Variants in TSPAN3 observed in about 807,000 individuals in gnomAD.
TSPAN3 encodes tetraspanin-3.
A neutral mutation model predicts 31.1 loss-of-function variants in TSPAN3; 9 were observed. The ratio of observed to expected loss-of-function variants is 0.29; its 90% CI spans 0.17 to 0.50. TSPAN3 has a LOEUF of 0.50. Ranked by LOEUF, TSPAN3 falls within the 20% of genes least tolerant of loss-of-function variation. TSPAN3 has a pLI of 0.98. For missense variants in TSPAN3, 252 were observed against 313.5 expected, an observed-to-expected ratio of 0.80 and a Z score of 1.48; for synonymous variants, 129 against 114.3, an observed-to-expected ratio of 1.13 and a Z score of -0.82.
chr15:77,051,577 G>A (rs992131792), intron 6 of TSPAN3, among the ~76,000 whole-genome samples: 1 of 151,642 alleles, frequency 6.6e-6, no homozygotes, highest in East Asian at 1.9e-4. Flanking sequence ...AGCTGGGTGC[G>A]GTGGCTCACG....
chr15:77,062,312 CT>C (rs1266770622), intron 1 of TSPAN3, among the ~76,000 whole-genome samples: 1 of 152,178 alleles, frequency 6.6e-6, no homozygotes. Context: ...TTCAACCATG[CT>C]TTCACCTCTG....
At chr15:77,061,484 C>A (rs988518106) in intron 1 of TSPAN3, among the ~76,000 whole-genome samples, 2 of 151,882 alleles carry the variant, frequency 1.3e-5, no homozygotes, top group African/African-American at 4.8e-5. Flanking sequence ...GCCGAGATTG[C>A]GCCACTGCAC....
chr15:77,052,459 C>A lies in TSPAN3; in HGVS notation c.595G>T (p.Ala199Ser), dbSNP rs1182302899. Residue 199 changes from alanine to serine, a missense_variant, in exon 6 of 7, where the codon GCT (alanine) becomes TCT (serine). Transcript: ENST00000267970. ...PSDLYAEGCE[A>S]LVVKKLQEIM... The stretch of plus-strand genomic sequence containing the variant: ...TCTTGTAGCTTCTTCACTACTAGAG[C>A]CTCACACCCCTGTAACAAACACAGT... The A allele has an allele frequency of 6.2e-7, 1 of 1,613,944 alleles. No homozygotes were observed. Among genetic ancestry groups the A allele is most frequent in the Non-Finnish European group, 8.5e-7 (1 of 1,179,840 alleles).
chr15:77,060,403 A>T (rs1596166633), intron 1 of TSPAN3, among the ~76,000 whole-genome samples: 1 of 152,244 alleles, frequency 6.6e-6, no homozygotes, highest in Non-Finnish European at 1.5e-5. Flanking sequence ...GAGGTATCCC[A>T]GTAGCAGCTG....
chr15:77,054,161 G>A lies in TSPAN3; in HGVS notation c.432+17C>T, dbSNP rs1166542734. On this transcript the variant is annotated intron_variant, in intron 4 of 6. Transcript: ENST00000267970. Reference sequence around the variant, plus strand: ...GTGATTGGTCCTCAAAAACAAATCTGCCTCAAGAAAGCTCACCTGTCTCTG... The same window carrying A: ...GTGATTGGTCCTCAAAAACAAATCTACCTCAAGAAAGCTCACCTGTCTCTG... 3 of 1,597,550 alleles carry A rather than the reference G, an allele frequency of 1.9e-6. No individual in the cohort carries two copies. Among genetic ancestry groups the A allele is most frequent in the Admixed American group, 3.3e-5 (2 of 59,880 alleles).
chr15:77,070,969 G>C lies in TSPAN3; in HGVS notation c.-15C>G. On this transcript the variant is annotated 5_prime_UTR_variant, in exon 1 of 7. Coordinates refer to ENST00000267970, the MANE Select transcript of TSPAN3 (RefSeq NM_005724.6). ...CACTGGCCCATGGCGCCGGTGGCCC[G>C]CGAAGGCCCGGCCCGGAGAGCGGGG... is the stretch of plus-strand genomic sequence containing the variant. 1 of 1,423,044 alleles carries C rather than the reference G, an allele frequency of 7.0e-7. No individual in the cohort carries two copies. The highest frequency in any genetic ancestry group is 9.2e-7 in the Non-Finnish European group (1 of 1,081,184). The allele number at this position is 1,423,044 out of a possible 1,614,324, so 88.2% of individuals were successfully genotyped here.
chr15:77,048,093 CTTGCACCAT>C (rs778600359), intron 6 of TSPAN3, among the ~76,000 whole-genome samples: 183 of 152,338 alleles, frequency 1.2e-3, no homozygotes, highest in Non-Finnish European at 1.3e-3. Context: ...TATTTCACCA[CTTGCACCAT>C]TTGCACCATT....
intron 1 of TSPAN3, among the ~76,000 whole-genome samples, chr15:77,062,418 C>G (rs1568544712): frequency 6.6e-6 from 1 of 152,136 alleles, no homozygotes; most frequent in Non-Finnish European, 1.5e-5. Context: ...TACCAACTCT[C>G]AAGGAAAAAA....
chr15:77,055,105 G>C (rs2076760047), intron 3 of TSPAN3: 1 of 152,046 alleles, frequency 6.6e-6, no homozygotes, highest in Non-Finnish European at 1.5e-5. Flanking sequence ...TTATGCCCTT[G>C]ACTCAAAACC....
chr15:77,069,633 G>T (rs186127209), intron 1 of TSPAN3, among the ~76,000 whole-genome samples: 1 of 152,292 alleles, frequency 6.6e-6, no homozygotes, highest in East Asian at 1.9e-4. Context: ...CAAGTGTGTA[G>T]CAAGTGCTTT....
At position 77,070,898 on chromosome 15, in the gene TSPAN3, G is replaced by C; in HGVS notation, c.57C>G (p.Ile19Met). The C allele has an allele frequency of 7.1e-7, 1 of 1,407,010 alleles. No individual in the cohort carries two copies. The highest frequency in any genetic ancestry group is 3.2e-5 in the East Asian group (1 of 31,056). The allele number at this position is 1,407,010 out of a possible 1,614,324, so 87.2% of individuals were successfully genotyped here. ...TCTGCCCGGCCCCGCTCACCCAGAA[G>C]ATGAGGTTGAGAAAGACCAGCACGG... The part of the protein sequence containing the change: ...SKTVLVFLNL[I>M]FWGAAGILCY... Residue 19 changes from isoleucine to methionine, a missense_variant, in exon 1 of 7, where the codon ATC (isoleucine) becomes ATG (methionine). Ile to Met is a conservative substitution (Grantham distance 10). Transcript: ENST00000267970.
intron 6 of TSPAN3, among the ~76,000 whole-genome samples, chr15:77,047,208 G>A (rs568158801): frequency 7.3e-4 from 111 of 152,332 alleles, no homozygotes; most frequent in Middle Eastern, 3.4e-3. Context: ...AGTGCTGTCC[G>A]AAAGAACTTT....
At chr15:77,050,523 C>G (rs1388907817) in intron 6 of TSPAN3, among the ~76,000 whole-genome samples, 2 of 152,188 alleles carry the variant, frequency 1.3e-5, no homozygotes, top group South Asian at 4.1e-4. Context: ...AGCCGCTTAA[C>G]TAGATGAGGG....
chr15:77,066,571 C>CAAAAAA (rs35737479), intron 1 of TSPAN3, among the ~76,000 whole-genome samples: 1 of 59,374 alleles, frequency 1.7e-5, no homozygotes, highest in African/African-American at 7.5e-5. Context: ...GACTTCGTCT[C>CAAAAAA]AAAAAAAAAA....
intron 1 of TSPAN3, chr15:77,067,938 T>A (rs1044464114): frequency 2.0e-5 from 3 of 152,206 alleles, no homozygotes; most frequent in African/African-American, 7.2e-5. Flanking sequence ...GAACGCAGGC[T>A]GTATCACACC....
rs1408233910 is a variant in TSPAN3, at chr15:77,052,932, A to G, written c.433-3T>C. The G allele has an allele frequency of 3.7e-6, 6 of 1,612,514 alleles. No homozygotes were observed. Among genetic ancestry groups the G allele is most frequent in the Middle Eastern group, 1.7e-4 (1 of 6,020 alleles). ...TTGTGAATTCCACAACAATGCAGCTAAAGGAGAAGAGAATAAGTATTATTT... is the reference window on the plus strand; with the variant it reads ...TTGTGAATTCCACAACAATGCAGCTGAAGGAGAAGAGAATAAGTATTATTT... On this transcript the variant is annotated splice_polypyrimidine_tract_variant and splice_region_variant and intron_variant, in intron 4 of 6. Coordinates refer to ENST00000267970, the MANE Select transcript of TSPAN3 (RefSeq NM_005724.6).
rs933238434 is a variant in TSPAN3, at chr15:77,064,536, C to G, written c.63+6356G>C. ...ATCCTAGAAAGCTAATAACCCATTC[C>G]CTAAACTGCAACTAGAGAGAGCGCC... On this transcript the variant is annotated intron_variant, in intron 1 of 6. Transcript: ENST00000267970. The G allele has an allele frequency of 1.1e-4, 17 of 152,124 alleles. 1 individual carries two copies. Among genetic ancestry groups the G allele is most frequent in the Admixed American group, 1.0e-3 (16 of 15,262 alleles). 9.4% of individuals were successfully genotyped at this position (152,124 alleles called of 1,614,324 possible). A position where few individuals can be genotyped will look rare whatever the true frequency, so the allele number is the denominator to read the frequency against.
rs1267567922 is a variant in TSPAN3 at position 77,042,285 on chromosome 15, C to T, written c.*4550G>A. On this transcript the variant is annotated 3_prime_UTR_variant, in exon 7 of 7. Coordinates refer to ENST00000267970, the MANE Select transcript of TSPAN3 (RefSeq NM_005724.6). Reference sequence around the variant, plus strand: ...TTCACATTTTTTAAAGCACCAATTACTTTTGTTTAAAAAAATACACTTAAA... The same window carrying T: ...TTCACATTTTTTAAAGCACCAATTATTTTTGTTTAAAAAAATACACTTAAA... 1 of 152,170 alleles carries T rather than the reference C, an allele frequency of 6.6e-6. No individual in the cohort carries two copies. Among genetic ancestry groups the T allele is most frequent in the Non-Finnish European group, 1.5e-5 (1 of 68,032 alleles). The allele number at this position is 152,170 out of a possible 1,614,324, so 9.4% of individuals were successfully genotyped here. A position where few individuals can be genotyped will look rare whatever the true frequency, so the allele number is the denominator to read the frequency against.
chr15:77,063,615 C>G (rs2076813202), intron 1 of TSPAN3: 1 of 152,178 alleles, frequency 6.6e-6, no homozygotes, highest in Non-Finnish European at 1.5e-5. Context: ...ACTGCTATTA[C>G]TCTGATGATA....
Sources: gnomAD v4.1 joint callset for allele counts (sites outside exome capture counted in the v4.1 genomes callset) on GRCh38, gnomAD v4.1.1 for gene constraint, MANE v1.5 for transcripts, NCBI Gene and HGNC (gene_info 2026-07-23, HGNC 2026-07-21) for gene names.